MTUS2: variants seen among roughly 807,000 people sequenced by gnomAD.
MTUS2 encodes microtubule-associated tumor suppressor candidate 2.
A neutral mutation model predicts 114.1 loss-of-function variants in MTUS2; 40 were observed. That is an observed-to-expected ratio of 0.35 (90% CI 0.27 to 0.46). MTUS2 has a LOEUF of 0.46. Among genes scored for constraint, MTUS2 ranks in the 20% least tolerant of loss-of-function variants. The pLI, the probability that MTUS2 is intolerant of heterozygous loss-of-function variation, is 1.00. For missense variants in MTUS2, 1,679 were observed against 1,705.4 expected (o/e 0.98, Z 0.27); for synonymous variants, 688 against 672.0 (o/e 1.02, Z -0.37).
intron 2 of MTUS2, among the ~76,000 whole-genome samples, chr13:28,847,205 C>A (rs554658346): frequency 1.9e-4 from 29 of 152,170 alleles, no homozygotes; most frequent in East Asian, 1.9e-4. Context: ...GGAAGATATT[C>A]AAATAGGCAT....
At chr13:29,290,067 C>T (rs191875680) in intron 6 of MTUS2, among the ~76,000 whole-genome samples, 1 of 152,324 alleles carries the variant, frequency 6.6e-6, no homozygotes, top group East Asian at 1.9e-4. Flanking sequence ...TGTCGTTCTA[C>T]ATATCTTCAA....
At chr13:28,899,967 A>G (rs1043442103) in intron 2 of MTUS2, among the ~76,000 whole-genome samples, 1 of 152,052 alleles carries the variant, frequency 6.6e-6, no homozygotes, top group African/African-American at 2.4e-5. Flanking sequence ...GACTCACTGC[A>G]ACCTCTGCCT....
intron 5 of MTUS2, chr13:29,239,755 G>A (rs1896666337): frequency 6.6e-6 from 1 of 152,176 alleles, no homozygotes; most frequent in African/African-American, 2.4e-5. Flanking sequence ...GCCCATTTAT[G>A]TTGCTTTCAT....
chr13:29,482,984 A>G (rs145506945), intron 10 of MTUS2, among the ~76,000 whole-genome samples: 276 of 152,320 alleles, frequency 1.8e-3, no homozygotes, highest in African/African-American at 6.4e-3. Flanking sequence ...ACCAGATAGA[A>G]TCAGTGTTTC....
chr13:28,867,277 T>C (rs1877355948), intron 2 of MTUS2, among the ~76,000 whole-genome samples: 1 of 152,246 alleles, frequency 6.6e-6, no homozygotes. Context: ...CCCTTGGGAA[T>C]ATGTAACCAA....
chr13:28,894,086 CT>C (rs1879085561), intron 2 of MTUS2, among the ~76,000 whole-genome samples: 1 of 151,730 alleles, frequency 6.6e-6, no homozygotes, highest in Admixed American at 6.6e-5. Flanking sequence ...CCCTCTTCAT[CT>C]CTTTTTCTGC....
intron 7 of MTUS2, among the ~76,000 whole-genome samples, 183 bp from the exon 8 acceptor site, chr13:29,359,079 C>T (rs993870842): frequency 2.0e-5 from 3 of 152,138 alleles, no homozygotes; most frequent in Admixed American, 2.0e-4. Flanking sequence ...ACTTAACAAC[C>T]ACATTAATGG....
At chr13:29,000,070 C>G (rs1034156673) in intron 2 of MTUS2, among the ~76,000 whole-genome samples, 4 of 152,224 alleles carry the variant, frequency 2.6e-5, no homozygotes, top group African/African-American at 9.6e-5. Flanking sequence ...GTGAATAGCA[C>G]TGCAGTAAAC....
chr13:29,200,531 T>TTTTTTG (rs946202585), intron 5 of MTUS2, among the ~76,000 whole-genome samples: 4 of 141,624 alleles, frequency 2.8e-5, no homozygotes, highest in African/African-American at 1.1e-4. Context: ...GTTTTTTTTT[T>TTTTTTG]TTTTTTGAGA....
intron 5 of MTUS2, among the ~76,000 whole-genome samples, chr13:29,127,078 C>G (rs1395322569): frequency 6.6e-6 from 1 of 152,216 alleles, no homozygotes; most frequent in Non-Finnish European, 1.5e-5. Context: ...GTCTTGCTCA[C>G]CTGCTCCTGG....
chr13:28,868,017 C>T (rs936979607), intron 2 of MTUS2, among the ~76,000 whole-genome samples: 1 of 152,162 alleles, frequency 6.6e-6, no homozygotes, highest in African/African-American at 2.4e-5. Context: ...TGTTTCTTGT[C>T]TACTTCTAAG....
rs1347756504 is a variant in MTUS2, at chr13:29,389,373, G to A, written c.3117+29900G>A. 4.8e-4 allele frequency among the ~76,000 whole-genome samples: 15 copies of A among 30,928 alleles called. 1 individual carries two copies. Among genetic ancestry groups the A allele is most frequent in the African/African-American group, 9.9e-4 (15 of 15,098 alleles). 20.3% of individuals were successfully genotyped at this position (30,928 alleles called of 152,430 possible). On this transcript the variant is annotated intron_variant, in intron 8 of 15. Transcript: ENST00000612955. ...TGTGTATATATGTATGCACGTGTGTGTATATATGTATACACGTGTGTGTAT... is the reference window on the plus strand; with the variant it reads ...TGTGTATATATGTATGCACGTGTGTATATATATGTATACACGTGTGTGTAT...
chr13:29,389,235 ATG>A (rs1323818714), intron 8 of MTUS2, among the ~76,000 whole-genome samples: 5 of 102,530 alleles, frequency 4.9e-5, no homozygotes, highest in African/African-American at 6.8e-5. Flanking sequence ...GTATATATGT[ATG>A]TGTGTATATA....
chr13:29,262,990 A>AT (rs1897533934), intron 5 of MTUS2, among the ~76,000 whole-genome samples: 1 of 152,222 alleles, frequency 6.6e-6, no homozygotes, highest in African/African-American at 2.4e-5. Flanking sequence ...GCACTTTCTC[A>AT]TTTAATTCTC....
intron 2 of MTUS2, among the ~76,000 whole-genome samples, chr13:28,922,031 A>G (rs947902272): frequency 2.6e-5 from 4 of 152,042 alleles, no homozygotes; most frequent in African/African-American, 9.7e-5. Flanking sequence ...TTGGGTAGGG[A>G]CCTGGTAGGA....
intron 2 of MTUS2, among the ~76,000 whole-genome samples, chr13:28,999,926 T>C (rs2138377390): frequency 6.6e-6 from 1 of 152,362 alleles, no homozygotes; most frequent in Middle Eastern, 3.4e-3. Flanking sequence ...TCCAGGTTCA[T>C]TCATGTTGTT....
chr13:28,934,617 G>A lies in MTUS2; in HGVS notation c.-242-89840G>A, dbSNP rs750649016. On this transcript the variant is annotated intron_variant, in intron 2 of 15. Coordinates refer to ENST00000612955, the MANE Select transcript of MTUS2 (RefSeq NM_001033602.4). ...CAGATCACTGCAACCTTCCCCTCCC[G>A]GGTTCAAGCGATTCTCCTGCCTCAG... is the stretch of plus-strand genomic sequence containing the variant. Among the ~76,000 whole-genome samples, 10 of 152,166 alleles carry A rather than the reference G, an allele frequency of 6.6e-5. No homozygotes were observed. The East Asian group carries it at 1.7e-3, about 26-fold the overall frequency.
chr13:29,066,118 C>T (rs1251685283), intron 4 of MTUS2, among the ~76,000 whole-genome samples: 1 of 152,212 alleles, frequency 6.6e-6, no homozygotes, highest in Non-Finnish European at 1.5e-5. Context: ...CTCTCCAAGG[C>T]TGGCTCTGTC....
At chr13:29,420,939 C>T (rs1223625130) in intron 8 of MTUS2, among the ~76,000 whole-genome samples, 1 of 152,180 alleles carries the variant, frequency 6.6e-6, no homozygotes, top group Non-Finnish European at 1.5e-5. Flanking sequence ...GATTATCTTA[C>T]ATCAGTAGCA....
Sources: allele counts gnomAD v4.1 joint callset (sites outside exome capture counted in the v4.1 genomes callset), GRCh38; gene constraint gnomAD v4.1.1; transcripts MANE v1.5; gene names NCBI Gene and HGNC (gene_info 2026-07-23, HGNC 2026-07-21).